KLRB1: variants seen among roughly 807,000 people sequenced by gnomAD.
KLRB1 encodes the protein killer cell lectin-like receptor subfamily B member 1.
In KLRB1, 27 loss-of-function variants were observed where a neutral mutation model predicts 33.5. That is an observed-to-expected ratio of 0.81 (90% CI 0.59 to 1.11). The LOEUF is 1.11. Ranked by LOEUF, KLRB1 falls within the 50% of genes most tolerant of loss-of-function variation. The pLI is 0.00. For missense variants in KLRB1, 241 were observed against 254.1 expected, an observed-to-expected ratio of 0.95 and a Z score of 0.35; for synonymous variants, 64 against 88.9, an observed-to-expected ratio of 0.72 and a Z score of 1.58.
At chr12:9,596,252 T>C (rs1864491581) in intron 5 of KLRB1, among the ~76,000 whole-genome samples, 2 of 152,186 alleles carry the variant, frequency 1.3e-5, no homozygotes, top group Non-Finnish European at 2.9e-5. Context: ...TCTGATTTCT[T>C]CCTACTGCCC....
chr12:9,595,130 T>A lies in KLRB1; in HGVS notation c.*144A>T. 1 of 648,354 alleles carries A rather than the reference T, an allele frequency of 1.5e-6. No individual in the cohort carries two copies. The highest frequency in any genetic ancestry group is 2.7e-6 in the Non-Finnish European group (1 of 373,594). The allele number at this position is 648,354 out of a possible 1,614,324, so 40.2% of individuals were successfully genotyped here. On this transcript the variant is annotated 3_prime_UTR_variant, in exon 6 of 6. Coordinates refer to ENST00000229402, the MANE Select transcript of KLRB1 (RefSeq NM_002258.3). ...TGAATATGATAAACATGAACTTCTG[T>A]AAGATTCATAACAGTTGTCAATTCT...
chr12:9,607,355 C>CCTTTCTTT (rs1184053974), intron 1 of KLRB1, among the ~76,000 whole-genome samples: 119 of 52,758 alleles, frequency 2.3e-3, no homozygotes, highest in East Asian at 0.018. Flanking sequence ...TTTCTTTCTT[C>CCTTTCTTT]CTTTCTTTCT....
chr12:9,599,660 A>G (rs1864521264), intron 3 of KLRB1, 107 bp downstream of exon 3: 5 of 798,504 alleles, frequency 6.3e-6, no homozygotes, highest in Admixed American at 3.9e-5. Flanking sequence ...AAGCAGAATG[A>G]TAAGAATATC....
At chr12:9,596,824 A>G (rs929878533) in intron 5 of KLRB1, among the ~76,000 whole-genome samples, 2 of 152,170 alleles carry the variant, frequency 1.3e-5, no homozygotes, top group Non-Finnish European at 2.9e-5. Context: ...CACCAATACC[A>G]TGTGTGGAAA....
intron 1 of KLRB1, among the ~76,000 whole-genome samples, chr12:9,604,221 A>G (rs777212659): frequency 3.3e-5 from 5 of 152,172 alleles, no homozygotes; most frequent in Admixed American, 6.5e-5. Flanking sequence ...GACGTTAGCT[A>G]TCTGGAAATA....
rs200532656 is a variant in KLRB1, at chr12:9,598,625, T to A, written c.288A>T (p.Ile96=). 1.1e-5 allele frequency: 18 copies of A among 1,612,806 alleles called. No homozygotes were observed. In the African/African-American group the frequency reaches 2.3e-4, roughly 20 times the overall value. Residue 96 remains isoleucine, a synonymous_variant, in exon 4 of 6, where the codon ATA becomes ATT. Transcript: ENST00000229402. ...TERPGLLNCP[I]YWQQLREKCL... is the part of the protein sequence containing the mutation. ...ATTTCTCTCGGAGTTGCTGCCAATA[T>A]ATTGGGCAGTTTAAGAGACCCGGTC...
At chr12:9,599,239 G>T (rs1054943560) in intron 3 of KLRB1, among the ~76,000 whole-genome samples, 5 of 152,140 alleles carry the variant, frequency 3.3e-5, no homozygotes, top group African/African-American at 1.2e-4. Context: ...AGGACTTTCA[G>T]GTTTTCTTAA....
chr12:9,601,751 C>T, intron 1 of KLRB1, 152 bp from the exon 2 acceptor site: 1 of 598,516 alleles, frequency 1.7e-6, no homozygotes, highest in Non-Finnish European at 3.0e-6. Context: ...AGGGAACAAC[C>T]TCTATCCATC....
chr12:9,598,641 A>G lies in KLRB1; in HGVS notation c.272T>C (p.Leu91Pro). Residue 91 changes from leucine to proline, a missense_variant, in exon 4 of 6, where the codon CTC (leucine) becomes CCC (proline). Transcript: ENST00000229402. The part of the protein sequence containing the change: ...SRNKTTERPG[L>P]LNCPIYWQQL... ...CTGCCAATATATTGGGCAGTTTAAG[A>G]GACCCGGTCTCTCTAAAGTAAAAAA... The G allele has an allele frequency of 6.2e-7, 1 of 1,609,168 alleles. No individual in the cohort carries two copies. Among genetic ancestry groups the G allele is most frequent in the South Asian group, 1.1e-5 (1 of 90,590 alleles).
intron 1 of KLRB1, among the ~76,000 whole-genome samples, chr12:9,606,691 GTATA>G (rs56320334): frequency 2.7e-5 from 2 of 73,390 alleles, no homozygotes; most frequent in Non-Finnish European, 4.6e-5. Flanking sequence ...TGTATAAAAA[GTATA>G]TATATATATA....
chr12:9,605,093 C>T (rs12580472), intron 1 of KLRB1, among the ~76,000 whole-genome samples: 74,188 of 151,892 alleles, frequency 0.49, 18,476 homozygotes, highest in Middle Eastern at 0.6. Flanking sequence ...CGGTGTTTGG[C>T]TTTCTGTCCT....
In KLRB1 at chr12:9,598,047, CATT is replaced by C; in HGVS notation, c.526_528del (p.Asn176del). ...AAAGTTAGCTCATCTAATACTCACT[CATT>C]AGAATTTAAAAAAGAGCCGTTTATC... On this transcript the variant is annotated inframe_deletion and splice_region_variant, in exon 5 of 6. Coordinates refer to ENST00000229402, the MANE Select transcript of KLRB1 (RefSeq NM_002258.3). The C allele has an allele frequency of 1.5e-6, 2 of 1,342,700 alleles. No homozygotes were observed. Among genetic ancestry groups the C allele is most frequent in the Non-Finnish European group, 2.1e-6 (2 of 945,484 alleles). 83.2% of individuals were successfully genotyped at this position (1,342,700 alleles called of 1,614,324 possible).
At position 9,601,609 on chromosome 12, in the gene KLRB1, TAAA is replaced by T. The variant is rs773722830; in HGVS notation, c.86-13_86-11del. ...GAACCCTGACAGACATCTGAAAAGT[TAAA>T]AAGAAAAACACAAAAACAAACAAAC... On this transcript the variant is annotated splice_polypyrimidine_tract_variant and intron_variant, in intron 1 of 5. Transcript: ENST00000229402. 17 of 1,579,376 alleles carry T rather than the reference TAAA, an allele frequency of 1.1e-5. No homozygotes were observed. In the East Asian group the frequency reaches 3.9e-4, roughly 36 times the overall value.
intron 1 of KLRB1, 24 bp from the exon 2 acceptor site, chr12:9,601,623 C>G (rs905543037): frequency 1.7e-6 from 2 of 1,178,306 alleles, no homozygotes; most frequent in Non-Finnish European, 2.4e-6. Flanking sequence ...AAGAAAAACA[C>G]AAAAACAAAC....
At chr12:9,599,965 G>T in intron 2 of KLRB1, 124 bp from the exon 3 acceptor site, 18 of 471,212 alleles carry the variant, frequency 3.8e-5, no homozygotes, top group Non-Finnish European at 5.2e-5. Flanking sequence ...GAAAATAAAA[G>T]TATTAGCGAA....
chr12:9,602,608 T>C (rs1436189849), intron 1 of KLRB1, among the ~76,000 whole-genome samples: 1 of 151,920 alleles, frequency 6.6e-6, no homozygotes, highest in Non-Finnish European at 1.5e-5. Context: ...GTTTTTAACA[T>C]ATTAGATATA....
chr12:9,603,670 A>G (rs1344968799), intron 1 of KLRB1, among the ~76,000 whole-genome samples: 1 of 150,700 alleles, frequency 6.6e-6, no homozygotes, highest in Non-Finnish European at 1.5e-5. Flanking sequence ...TCCCAACCTC[A>G]GGTGATCCAC....
chr12:9,597,541 G>A (rs1287642381), intron 5 of KLRB1, among the ~76,000 whole-genome samples: 10 of 152,072 alleles, frequency 6.6e-5, no homozygotes, highest in East Asian at 1.9e-4. Flanking sequence ...TCATCACATC[G>A]TCTCAAGTAC....
intron 1 of KLRB1, 24 bp from the exon 2 acceptor site, chr12:9,601,623 CA>C (rs771628466): frequency 8.5e-7 from 1 of 1,178,394 alleles, no homozygotes; most frequent in East Asian, 2.7e-5. Flanking sequence ...AAGAAAAACA[CA>C]AAAACAAACA....
Sources: allele counts gnomAD v4.1 joint callset (sites outside exome capture counted in the v4.1 genomes callset), GRCh38; gene constraint gnomAD v4.1.1; transcripts MANE v1.5; gene names NCBI Gene and HGNC (gene_info 2026-07-23, HGNC 2026-07-21).